Variants in SORD observed in about 807,000 individuals in gnomAD.
SORD encodes sorbitol dehydrogenase.
SORD carries 18 observed loss-of-function variants against 35.6 expected under a neutral mutation model. The ratio of observed to expected loss-of-function variants is 0.51; its 90% CI spans 0.35 to 0.75. The LOEUF (loss-of-function observed/expected upper bound fraction) is 0.75. Ranked by LOEUF, SORD falls within the 30% of genes least tolerant of loss-of-function variation. The pLI is 0.01. For synonymous variants in SORD, 106 were observed against 152.9 expected (o/e 0.69, Z 2.26); for missense variants, 250 against 390.2 (o/e 0.64, Z 3.03).
chr15:45,049,135 A>G (rs1402338053), intron 3 of SORD, among the ~76,000 whole-genome samples: 4 of 152,180 alleles, frequency 2.6e-5, no homozygotes, highest in Non-Finnish European at 5.9e-5. Flanking sequence ...TTGCTTCCTT[A>G]TCTGTGCCTG....
chr15:45,071,672 CT>C (rs1193160053), intron 7 of SORD, among the ~76,000 whole-genome samples: 1 of 151,016 alleles, frequency 6.6e-6, no homozygotes, highest in East Asian at 2.0e-4. Flanking sequence ...ACAGGGAGTT[CT>C]GGGGAAATTT....
At chr15:45,023,528 G>A (rs1040937411) in intron 1 of SORD, among the ~76,000 whole-genome samples, 179 bp downstream of exon 1, 1 of 152,248 alleles carries the variant, frequency 6.6e-6, no homozygotes, top group Non-Finnish European at 1.5e-5. Context: ...TGGCTGTTGC[G>A]AAGGGCAGGG....
At position 45,038,141 on chromosome 15, in the gene SORD, TTCCTTCCTTCCTTCC is replaced by T. The variant is rs1566958500; in HGVS notation, c.67-2265_67-2251del. The stretch of plus-strand genomic sequence containing the variant: ...CTCGCATCCTCCCTTCCTTCCTTCC[TTCCTTCCTTCCTTCC>T]TTCCTTCCTTCCTTCCTTCCTTCCT... On this transcript the variant is annotated intron_variant, in intron 1 of 8. Transcript: ENST00000267814. 1.2e-3 allele frequency among the ~76,000 whole-genome samples: 125 copies of T among 106,284 alleles called. 1 individual carries two copies. The highest frequency in any genetic ancestry group is 5.6e-3 in the African/African-American group (119 of 21,340). 69.7% of individuals were successfully genotyped at this position (106,284 alleles called of 152,430 possible).
At chr15:45,025,749 C>G (rs1321384814) in intron 1 of SORD, among the ~76,000 whole-genome samples, 1 of 152,046 alleles carries the variant, frequency 6.6e-6, no homozygotes, top group Non-Finnish European at 1.5e-5. Context: ...ACTCAGGAGT[C>G]CTTTGCTCCT....
intron 3 of SORD, among the ~76,000 whole-genome samples, chr15:45,052,093 T>C (rs1231147856): frequency 6.6e-6 from 1 of 152,242 alleles, no homozygotes; most frequent in East Asian, 1.9e-4. Flanking sequence ...CATTTTACTT[T>C]CCTTACACAC....
intron 3 of SORD, among the ~76,000 whole-genome samples, chr15:45,060,520 A>T (rs368046285): frequency 6.6e-6 from 1 of 152,176 alleles, no homozygotes; most frequent in East Asian, 1.9e-4. Context: ...CAGTTCTACT[A>T]CCAGGAATCA....
chr15:45,056,629 G>T (rs541486966), intron 3 of SORD, among the ~76,000 whole-genome samples: 101 of 152,292 alleles, frequency 6.6e-4, no homozygotes, highest in African/African-American at 2.3e-3. Flanking sequence ...TAATAGTAGG[G>T]GAGTAGAGCC....
At chr15:45,059,696 T>C (rs994867162) in intron 3 of SORD, among the ~76,000 whole-genome samples, 9 of 152,170 alleles carry the variant, frequency 5.9e-5, no homozygotes, top group Non-Finnish European at 4.4e-5. Flanking sequence ...GAGGTCTTCC[T>C]ATGTTGCTCT....
chr15:45,054,690 T>C (rs1893184792), intron 3 of SORD, among the ~76,000 whole-genome samples: 1 of 152,248 alleles, frequency 6.6e-6, no homozygotes, highest in Non-Finnish European at 1.5e-5. Flanking sequence ...TTGCCATTGC[T>C]TTTGGTGTTT....
intron 1 of SORD, among the ~76,000 whole-genome samples, chr15:45,029,696 A>T (rs1327687165): frequency 6.6e-6 from 1 of 152,266 alleles, no homozygotes; most frequent in Non-Finnish European, 1.5e-5. Flanking sequence ...GTGGGCCCTG[A>T]GCTCTTGTCC....
At chr15:45,051,321 C>A (rs1893120291) in intron 3 of SORD, among the ~76,000 whole-genome samples, 1 of 152,026 alleles carries the variant, frequency 6.6e-6, no homozygotes, top group African/African-American at 2.4e-5. Context: ...AAAATATAAC[C>A]TAAAGAAGAT....
At chr15:45,034,052 G>A (rs577311921) in intron 1 of SORD, among the ~76,000 whole-genome samples, 663 of 151,598 alleles carry the variant, frequency 4.4e-3, no homozygotes, top group African/African-American at 0.015. Flanking sequence ...TATTTAACAT[G>A]CTTTACTCTT....
At chr15:45,052,205 C>T (rs1409790029) in intron 3 of SORD, among the ~76,000 whole-genome samples, 2 of 152,134 alleles carry the variant, frequency 1.3e-5, no homozygotes, top group African/African-American at 4.8e-5. Flanking sequence ...AGCAGCAAAG[C>T]CTGATATGTG....
At chr15:45,050,992 A>G (rs1437180154) in intron 3 of SORD, among the ~76,000 whole-genome samples, 1 of 152,214 alleles carries the variant, frequency 6.6e-6, no homozygotes, top group Admixed American at 6.5e-5. Flanking sequence ...TCAGTTCTTC[A>G]TGAGTCCTAT....
chr15:45,037,221 G>A (rs1252432824), intron 1 of SORD, among the ~76,000 whole-genome samples: 1 of 152,250 alleles, frequency 6.6e-6, no homozygotes, highest in African/African-American at 2.4e-5. Context: ...TTCTGCTACA[G>A]GCACAGCACA....
At chr15:45,042,042 G>T (rs1215935170) in intron 2 of SORD, among the ~76,000 whole-genome samples, 1 of 152,154 alleles carries the variant, frequency 6.6e-6, no homozygotes, top group Non-Finnish European at 1.5e-5. Context: ...GCAGTCTGTG[G>T]CAAGTGCAGT....
At chr15:45,053,251 A>G (rs1159229901) in intron 3 of SORD, among the ~76,000 whole-genome samples, 2 of 152,222 alleles carry the variant, frequency 1.3e-5, no homozygotes, top group Non-Finnish European at 2.9e-5. Flanking sequence ...AACACATCCT[A>G]TCAGACTGGG....
At chr15:45,033,057 G>A (rs568382577) in intron 1 of SORD, among the ~76,000 whole-genome samples, 34 of 152,088 alleles carry the variant, frequency 2.2e-4, no homozygotes, top group South Asian at 1.0e-3. Context: ...GACAGTGGGA[G>A]CACATTGCAC....
chr15:45,046,429 G>T (rs1263037462), intron 3 of SORD, among the ~76,000 whole-genome samples: 2 of 152,104 alleles, frequency 1.3e-5, no homozygotes, highest in Admixed American at 1.3e-4. Flanking sequence ...TTTTAATAGA[G>T]AATGGGTTTC....
Sources: allele counts gnomAD v4.1 joint callset (sites outside exome capture counted in the v4.1 genomes callset), GRCh38; gene constraint gnomAD v4.1.1; transcripts MANE v1.5; gene names NCBI Gene and HGNC (gene_info 2026-07-23, HGNC 2026-07-21).